IQCM: variants seen among roughly 807,000 people sequenced by gnomAD.
IQCM encodes IQ domain-containing protein M.
A neutral mutation model predicts 57.6 loss-of-function variants in IQCM; 45 were observed. The observed-to-expected ratio is 0.78, with a 90% confidence interval of 0.62 to 1.00. The LOEUF (loss-of-function observed/expected upper bound fraction) is 1.00. Ranked by LOEUF, IQCM falls within the 50% of genes least tolerant of loss-of-function variation. IQCM has a pLI of 0.00. For missense variants in IQCM, 468 were observed against 511.6 expected (o/e 0.91, Z 0.82); for synonymous variants, 148 against 158.9 (o/e 0.93, Z 0.51).
chr4:149,453,709 G>A (rs1737375167), intron 12 of IQCM, among the ~76,000 whole-genome samples: 1 of 151,786 alleles, frequency 6.6e-6, no homozygotes, highest in African/African-American at 2.4e-5. Flanking sequence ...CAAAAAGACA[G>A]AAAATAACAG....
rs527977590 is a variant in IQCM at position 149,762,393 on chromosome 4, C to T, written c.-48-19654G>A. On this transcript the variant is annotated intron_variant, in intron 2 of 13. Transcript: ENST00000636793. The stretch of plus-strand genomic sequence containing the variant: ...TATTAAGAAAAACTGCATGGTGAAT[C>T]TTTAAAATTGTATCTAAAAGCTTGA... 3.0e-4 allele frequency among the ~76,000 whole-genome samples: 45 copies of T among 151,998 alleles called. No individual in the cohort carries two copies. The East Asian group carries it at 4.3e-3, about 14-fold the overall frequency.
chr4:149,784,469 G>T (rs527934029), intron 2 of IQCM, among the ~76,000 whole-genome samples: 1 of 152,218 alleles, frequency 6.6e-6, no homozygotes, highest in Admixed American at 6.5e-5. Flanking sequence ...AGGCTGGAGT[G>T]CAGTGGCGCC....
intron 12 of IQCM, among the ~76,000 whole-genome samples, chr4:149,542,982 G>T (rs890839474): frequency 4.6e-5 from 7 of 151,798 alleles, no homozygotes; most frequent in African/African-American, 1.7e-4. Context: ...TAACCCCAGA[G>T]CCATGCTCTA....
chr4:149,531,024 T>C (rs1746694173), intron 12 of IQCM, among the ~76,000 whole-genome samples: 1 of 152,086 alleles, frequency 6.6e-6, no homozygotes, highest in Non-Finnish European at 1.5e-5. Context: ...GGAAATACTT[T>C]TAAGAAAAAC....
chr4:149,581,415 G>A (rs1752169898), intron 9 of IQCM, among the ~76,000 whole-genome samples: 1 of 151,366 alleles, frequency 6.6e-6, no homozygotes, highest in Non-Finnish European at 1.5e-5. Context: ...ATGATCTACA[G>A]GTCTATCTCC....
At chr4:149,602,289 A>G (rs1754387323) in intron 8 of IQCM, among the ~76,000 whole-genome samples, 1 of 152,154 alleles carries the variant, frequency 6.6e-6, no homozygotes. Flanking sequence ...GTATCTGCTG[A>G]ATATCAATTC....
At chr4:149,726,623 C>G (rs1223643417) in intron 5 of IQCM, among the ~76,000 whole-genome samples, 2 of 152,034 alleles carry the variant, frequency 1.3e-5, no homozygotes, top group Admixed American at 6.6e-5. Context: ...AATATCTATA[C>G]CTGTGTTGTC....
chr4:149,455,377 G>A (rs1323603466), intron 12 of IQCM, among the ~76,000 whole-genome samples: 1 of 152,092 alleles, frequency 6.6e-6, no homozygotes, highest in Non-Finnish European at 1.5e-5. Flanking sequence ...TCTGCAGTAA[G>A]TATTTCATTG....
chr4:149,572,245 T>G (rs2149962183), intron 9 of IQCM, among the ~76,000 whole-genome samples: 1 of 152,002 alleles, frequency 6.6e-6, no homozygotes, highest in Non-Finnish European at 1.5e-5. Flanking sequence ...TAAAACAATA[T>G]CTATTGCTGA....
At chr4:149,493,997 G>A (rs1742381898) in intron 12 of IQCM, among the ~76,000 whole-genome samples, 1 of 150,772 alleles carries the variant, frequency 6.6e-6, no homozygotes. Context: ...AAATTAGGAA[G>A]CATGGTTCAA....
chr4:149,424,128 G>A (rs1055115954), intron 13 of IQCM, among the ~76,000 whole-genome samples: 81 of 151,918 alleles, frequency 5.3e-4, no homozygotes, highest in African/African-American at 1.4e-3. Context: ...TAAGTGGAAT[G>A]TTTCTCAAAA....
chr4:149,603,602 A>C (rs981383055), intron 8 of IQCM, among the ~76,000 whole-genome samples: 8 of 152,122 alleles, frequency 5.3e-5, no homozygotes, highest in African/African-American at 1.7e-4. Context: ...TGCCTGTGGT[A>C]GAAAAAGTGG....
intron 2 of IQCM, among the ~76,000 whole-genome samples, chr4:149,805,520 A>T (rs888285093): frequency 2.6e-5 from 4 of 152,088 alleles, no homozygotes; most frequent in Non-Finnish European, 5.9e-5. Flanking sequence ...TTAAAATTTA[A>T]CATGTAGCTG....
chr4:149,595,809 A>T (rs1753721061), intron 8 of IQCM, among the ~76,000 whole-genome samples: 1 of 152,136 alleles, frequency 6.6e-6, no homozygotes, highest in Admixed American at 6.6e-5. Flanking sequence ...CACCCATGGG[A>T]GTTATGCAAA....
intron 13 of IQCM, among the ~76,000 whole-genome samples, chr4:149,402,503 A>G (rs1231664651): frequency 2.0e-5 from 3 of 151,926 alleles, no homozygotes; most frequent in African/African-American, 7.2e-5. Context: ...ATGATCAATT[A>G]TTTCTTCCCA....
chr4:149,379,536 A>G (rs1461653062), intron 13 of IQCM, among the ~76,000 whole-genome samples: 1 of 152,192 alleles, frequency 6.6e-6, no homozygotes, highest in Non-Finnish European at 1.5e-5. Flanking sequence ...GCTGGATTTC[A>G]GACTTGCATG....
chr4:149,538,155 T>C (rs1462576739), intron 12 of IQCM, among the ~76,000 whole-genome samples: 1 of 151,624 alleles, frequency 6.6e-6, no homozygotes, highest in South Asian at 2.1e-4. Flanking sequence ...CTTTCAAAAG[T>C]ATATTATTAC....
intron 7 of IQCM, among the ~76,000 whole-genome samples, chr4:149,643,631 C>T (rs1304853962): frequency 2.0e-5 from 3 of 152,188 alleles, no homozygotes; most frequent in East Asian, 1.9e-4. Flanking sequence ...GCTTAAGTAC[C>T]GAGCACTGTT....
chr4:149,449,407 A>T (rs1043760794), intron 12 of IQCM, among the ~76,000 whole-genome samples: 4 of 145,446 alleles, frequency 2.8e-5, no homozygotes, highest in African/African-American at 7.5e-5. Context: ...ATTTATATTT[A>T]TATATATATA....
Sources: gnomAD v4.1 joint callset for allele counts (sites outside exome capture counted in the v4.1 genomes callset) on GRCh38, gnomAD v4.1.1 for gene constraint, MANE v1.5 for transcripts, NCBI Gene and HGNC (gene_info 2026-07-23, HGNC 2026-07-21) for gene names.